Variants in PEAR1 observed in about 807,000 individuals in gnomAD.
The protein encoded by PEAR1 is platelet endothelial aggregation receptor 1.
Under a neutral mutation model 131.2 loss-of-function variants are expected in PEAR1, and 113 were observed. That is an observed-to-expected ratio of 0.86 (90% CI 0.74 to 1.01). The LOEUF (loss-of-function observed/expected upper bound fraction) is 1.01, where lower values mean the gene tolerates loss of function less well. Ranked by LOEUF, PEAR1 falls within the 50% of genes least tolerant of loss-of-function variation. The pLI is 0.00. For synonymous variants in PEAR1, 565 were observed against 523.3 expected (o/e 1.08, Z -1.09); for missense variants, 1,408 against 1,391.1 (o/e 1.01, Z -0.19).
In PEAR1 at chr1:156,914,679, C is replaced by T. The variant is rs771191526; in HGVS notation, c.2995C>T (p.Pro999Ser). 3 of 1,613,592 alleles carry T rather than the reference C, an allele frequency of 1.9e-6. No individual in the cohort carries two copies. In the South Asian group the frequency reaches 3.3e-5, roughly 18 times the overall value. ...RDSVGSQPPL[P>S]PGLPPGHYDS... is the part of the protein sequence containing the mutation. The stretch of plus-strand genomic sequence containing the variant: ...CTCTGTGGGCTCCCAGCCCCCTCTG[C>T]CTCCGGGCCTACCCCCCGGCCACTA... Residue 999 changes from proline to serine, a missense_variant, in exon 23 of 23, where the codon CCT (proline) becomes TCT (serine). By Grantham distance (74) the Pro-to-Ser change is moderately conservative. Transcript: ENST00000292357.
chr1:156,905,502 C>A, intron 4 of PEAR1, 78 bp downstream of exon 4: 1 of 1,284,284 alleles, frequency 7.8e-7, no homozygotes, highest in Non-Finnish European at 1.1e-6. Context: ...TGAGTCCCTC[C>A]CGGCCCCCGC....
intron 11 of PEAR1, 44 bp downstream of exon 11, chr1:156,909,080 C>A (rs1379499736): frequency 3.1e-6 from 5 of 1,610,626 alleles, no homozygotes; most frequent in Non-Finnish European, 4.2e-6. Context: ...GGGGGATGGC[C>A]AAGGGAAGAA....
chr1:156,903,799 G>C (rs1649925069), intron 1 of PEAR1, 119 bp from the exon 2 acceptor site: 1 of 776,326 alleles, frequency 1.3e-6, no homozygotes, highest in Non-Finnish European at 2.2e-6. Context: ...CAAGGGGCCA[G>C]AGGACACGGG....
intron 1 of PEAR1, 95 bp from the exon 2 acceptor site, chr1:156,903,823 C>G: frequency 9.9e-7 from 1 of 1,011,578 alleles, no homozygotes; most frequent in Non-Finnish European, 1.5e-6. Context: ...GCAGTCTGGT[C>G]TCTTCTGCAT....
At chr1:156,912,729 A>T (rs1462245167) in intron 17 of PEAR1, 41 bp from the exon 18 acceptor site, 2 of 1,613,022 alleles carry the variant, frequency 1.2e-6, no homozygotes, top group African/African-American at 1.3e-5. Context: ...CATGCAGCAG[A>T]GCCAAGATGC....
chr1:156,910,157 A>G, intron 13 of PEAR1, 49 bp downstream of exon 13: 2 of 1,613,862 alleles, frequency 1.2e-6, no homozygotes, highest in South Asian at 1.1e-5. Context: ...GGATGCATCC[A>G]TAGGAAATGT....
chr1:156,913,250 C>T lies in PEAR1; in HGVS notation c.2479C>T (p.Gln827Ter), dbSNP rs1424900203. 3.7e-6 allele frequency: 6 copies of T among 1,612,590 alleles called. No individual in the cohort carries two copies. Among genetic ancestry groups the T allele is most frequent in the Admixed American group, 3.3e-5 (2 of 59,886 alleles). The change falls in exon 19 of 23, where the codon CAG becomes TAG. Residue 827 changes from glutamine (Q) to a stop codon, truncating the protein, a stop_gained. Coordinates refer to ENST00000292357, the MANE Select transcript of PEAR1 (RefSeq NM_001080471.3). LOFTEE classifies it high-confidence loss of function. ...CAACCCCAGCTACCACACCCTGTCG[C>T]AGTGCTCCCCAAACCCCCCACCCCC... is the stretch of plus-strand genomic sequence containing the variant. ...YSNPSYHTLS[Q>*]CSPNPPPPNK...
intron 15 of PEAR1, among the ~76,000 whole-genome samples, chr1:156,911,152 CTTTT>C (rs1287881512): frequency 9.1e-5 from 9 of 99,184 alleles, no homozygotes; most frequent in African/African-American, 1.3e-4. Context: ...TTCTTTCTTT[CTTTT>C]TCTTTCTTTC....
intron 1 of PEAR1, among the ~76,000 whole-genome samples, chr1:156,898,361 C>T (rs1649363391): frequency 6.6e-6 from 1 of 152,198 alleles, no homozygotes; most frequent in Admixed American, 6.5e-5. Flanking sequence ...GCCCCTCACC[C>T]CTGCCCCTTT....
Position 156,909,820 on chromosome 1 carries a change from G to T in PEAR1, c.1481G>T (p.Cys494Phe). Residue 494 changes from cysteine to phenylalanine, a missense_variant, in exon 12 of 23, where the codon TGC (cysteine) becomes TTC (phenylalanine). Coordinates refer to ENST00000292357, the MANE Select transcript of PEAR1 (RefSeq NM_001080471.3). ...TGGGGCTTCAGTTGCAATGCCAGCT[G>T]CCAGTGTGCCCATGAGGCAGTCTGC... ...GTWGFSCNAS[C>F]QCAHEAVCSP... 2.5e-6 allele frequency: 4 copies of T among 1,613,992 alleles called. No individual in the cohort carries two copies. Among genetic ancestry groups the T allele is most frequent in the Non-Finnish European group, 3.4e-6 (4 of 1,179,874 alleles).
At chr1:156,901,656 C>A (rs1342918038) in intron 1 of PEAR1, among the ~76,000 whole-genome samples, 4 of 152,142 alleles carry the variant, frequency 2.6e-5, no homozygotes, top group Non-Finnish European at 4.4e-5. Context: ...GCAGTTGGAG[C>A]ACAGGGGCCC....
At chr1:156,900,002 T>A (rs1649527635) in intron 1 of PEAR1, among the ~76,000 whole-genome samples, 1 of 151,966 alleles carries the variant, frequency 6.6e-6, no homozygotes, top group African/African-American at 2.4e-5. Context: ...CCTGCTCCCC[T>A]AGAGCCCACA....
In PEAR1 at chr1:156,908,051, G is replaced by A; in HGVS notation, c.902G>A (p.Arg301Gln). 2 of 1,575,444 alleles carry A rather than the reference G, an allele frequency of 1.3e-6. No individual in the cohort carries two copies. The highest frequency in any genetic ancestry group is 2.3e-5 in the East Asian group (1 of 43,052). ...TGCGCTCCGGGTTACACTGGGGATC[G>A]GTGAGTGGCGTGGGGCGGGCGGGAG... is the stretch of plus-strand genomic sequence containing the variant. ...CRCAPGYTGD[R>Q]CREECPVGRF... Residue 301 changes from arginine (R) to glutamine (Q), a missense_variant and splice_region_variant, in exon 8 of 23, where the codon CGG becomes CAG. By Grantham distance (43) the Arg-to-Gln change is conservative. Coordinates refer to ENST00000292357, the MANE Select transcript of PEAR1 (RefSeq NM_001080471.3). The surrounding 1 kb of genome is among the most constrained non-coding windows in gnomAD (Gnocchi z 4.2).
Position 156,904,751 on chromosome 1 carries a change from C to T in PEAR1, c.105C>T (p.Phe35=). 6.2e-7 allele frequency: 1 copy of T among 1,610,614 alleles called. No individual in the cohort carries two copies. The highest frequency in any genetic ancestry group is 8.5e-7 in the Non-Finnish European group (1 of 1,178,636). Residue 35 remains phenylalanine (F), a synonymous_variant, in exon 3 of 23, where the codon TTC becomes TTT. Transcript: ENST00000292357. Reference sequence around the variant, plus strand: ...GACCCTGTTCCCTGTCTTGCAGCTTCACTACCACCACCAAGGAGTCCCACT... The same window carrying T: ...GACCCTGTTCCCTGTCTTGCAGCTTTACTACCACCACCAAGGAGTCCCACT... ...DPNTCSFWES[F]TTTTKESHSR... is the part of the protein sequence containing the mutation.
chr1:156,910,647 T>C lies in PEAR1; in HGVS notation c.1855T>C (p.Cys619Arg), dbSNP rs769130620. 6 of 1,614,128 alleles carry C rather than the reference T, an allele frequency of 3.7e-6. No homozygotes were observed. The South Asian group carries it at 4.4e-5, about 12-fold the overall frequency. The part of the protein sequence containing the change: ...SCQPGRYGKR[C>R]VPCKCANHSF... The stretch of plus-strand genomic sequence containing the variant: ...TCAGCCTGGCCGCTATGGCAAACGC[T>C]GTGTGCCCTGCAAGTGCGCTAACCA... Residue 619 changes from cysteine (C) to arginine (R), a missense_variant, in exon 15 of 23, where the codon TGT (cysteine) becomes CGT (arginine). By Grantham distance (180) the Cys-to-Arg change is radical (BLOSUM62 -3). Transcript: ENST00000292357.
chr1:156,905,678 G>A (rs1232698284), intron 4 of PEAR1, among the ~76,000 whole-genome samples: 1 of 152,072 alleles, frequency 6.6e-6, no homozygotes, highest in Non-Finnish European at 1.5e-5. Context: ...TCCCTCAACA[G>A]TGTCTCTGCA....
chr1:156,908,051 G>T lies in PEAR1; in HGVS notation c.902G>T (p.Arg301Leu), dbSNP rs766346665. The T allele has an allele frequency of 6.3e-7, 1 of 1,575,444 alleles. No individual in the cohort carries two copies. The highest frequency in any genetic ancestry group is 2.3e-5 in the East Asian group (1 of 43,052). Residue 301 changes from arginine to leucine, a missense_variant and splice_region_variant, in exon 8 of 23, where the codon CGG (arginine) becomes CTG (leucine). Transcript: ENST00000292357. This position sits in a 1 kb window ranked among gnomAD's most constrained non-coding sequence, Gnocchi z 4.2. ...CRCAPGYTGD[R>L]CREECPVGRF... is the part of the protein sequence containing the mutation. ...TGCGCTCCGGGTTACACTGGGGATCGGTGAGTGGCGTGGGGCGGGCGGGAG... is the reference window on the plus strand; with the variant it reads ...TGCGCTCCGGGTTACACTGGGGATCTGTGAGTGGCGTGGGGCGGGCGGGAG...
rs142906924 is a variant in PEAR1, at chr1:156,912,862, G to A, written c.2302G>A (p.Val768Met). 50 of 1,614,222 alleles carry A rather than the reference G, an allele frequency of 3.1e-5. No homozygotes were observed. The African/African-American group carries it at 6.0e-4, about 19-fold the overall frequency. The change falls in exon 18 of 23, where the codon GTG (valine) becomes ATG (methionine). Residue 768 changes from valine (V) to methionine (M), a missense_variant. Physicochemically the swap from Val to Met is conservative, Grantham distance 21. Coordinates refer to ENST00000292357, the MANE Select transcript of PEAR1 (RefSeq NM_001080471.3). ...TGGCATTGCAGTGCTGGGGTCCCTTGTGGTAGCCCTGGTGGCACTGTTCAT... is the reference window on the plus strand; with the variant it reads ...TGGCATTGCAGTGCTGGGGTCCCTTATGGTAGCCCTGGTGGCACTGTTCAT... ...VIGIAVLGSL[V>M]VALVALFIGY...
At chr1:156,896,121 C>T (rs1649135918) in intron 1 of PEAR1, among the ~76,000 whole-genome samples, 1 of 152,232 alleles carries the variant, frequency 6.6e-6, no homozygotes, top group African/African-American at 2.4e-5. Context: ...TTTGGAATGA[C>T]ATAGACCTGG....
Sources: gnomAD v4.1 joint callset for allele counts (sites outside exome capture counted in the v4.1 genomes callset) on GRCh38, gnomAD v4.1.1 for gene constraint, Gnocchi (gnomAD v3.1) non-coding constraint, MANE v1.5 for transcripts, NCBI Gene and HGNC (gene_info 2026-07-23, HGNC 2026-07-21) for gene names.